The following GABRB3 variants were observed in gnomAD, a reference collection of about 807,000 sequenced individuals.
GABRB3 encodes gamma-aminobutyric acid receptor subunit beta-3.
A neutral mutation model predicts 52.1 loss-of-function variants in GABRB3; 14 were observed. The observed-to-expected ratio is 0.27, with a 90% CI of 0.18 to 0.42. The LOEUF (loss-of-function observed/expected upper bound fraction) is 0.42. Ranked by LOEUF, GABRB3 falls within the 10% of genes least tolerant of loss-of-function variation. The pLI is 1.00. For synonymous variants in GABRB3, 260 were observed against 232.3 expected, an observed-to-expected ratio of 1.12 and a Z score of -1.08; for missense variants, 307 against 609.1, an observed-to-expected ratio of 0.50 and a Z score of 5.22.
intron 3 of GABRB3, among the ~76,000 whole-genome samples, chr15:26,721,888 C>T (rs962578632): frequency 6.6e-6 from 1 of 151,912 alleles, no homozygotes; most frequent in Admixed American, 6.6e-5. Flanking sequence ...CATCTGAGAA[C>T]ATCAAAGAAA....
Position 26,545,720 on chromosome 15 carries a change from T to TAA in GABRB3, c.*2071_*2072dup, listed in dbSNP as rs1832233372. ...TTAACAAGGTTTTTCCCAATCTGTTTAACTTTTAGGATCCCCCATTGTTAC... is the reference window on the plus strand; with the variant it reads ...TTAACAAGGTTTTTCCCAATCTGTTTAAAACTTTTAGGATCCCCCATTGTTAC... On this transcript the variant is annotated 3_prime_UTR_variant, in exon 9 of 9. Coordinates refer to ENST00000311550, the MANE Select transcript of GABRB3 (RefSeq NM_000814.6). 6.6e-6 allele frequency: 1 copy of TAA among 152,580 alleles called. No individual in the cohort carries two copies. 9.5% of individuals were successfully genotyped at this position (152,580 alleles called of 1,614,324 possible). A position where few individuals can be genotyped will look rare whatever the true frequency, so the allele number is the denominator to read the frequency against.
intron 3 of GABRB3, among the ~76,000 whole-genome samples, chr15:26,695,948 A>G (rs1888725029): frequency 2.0e-5 from 3 of 152,240 alleles, no homozygotes; most frequent in South Asian, 4.1e-4. Context: ...GAAAACTCCC[A>G]AAAGTCTTTT....
chr15:26,615,509 C>CA, intron 4 of GABRB3: 1 of 915,816 alleles, frequency 1.1e-6, no homozygotes, highest in Non-Finnish European at 1.3e-6. Context: ...TGATTTAAAA[C>CA]AACCTTTTAT....
At chr15:26,631,657 C>T (rs998142218) in intron 3 of GABRB3, among the ~76,000 whole-genome samples, 2 of 152,144 alleles carry the variant, frequency 1.3e-5, no homozygotes, top group South Asian at 2.1e-4. Flanking sequence ...GTAGTCATTC[C>T]TACAAGGAAG....
intron 8 of GABRB3, among the ~76,000 whole-genome samples, chr15:26,549,294 C>T (rs1452673117): frequency 2.0e-5 from 3 of 152,104 alleles, no homozygotes; most frequent in Non-Finnish European, 4.4e-5. Flanking sequence ...CCTGAGAAGG[C>T]GCCGGGCCTG....
At chr15:26,623,018 T>C (rs1421327104) in intron 3 of GABRB3, among the ~76,000 whole-genome samples, 4 of 152,156 alleles carry the variant, frequency 2.6e-5, no homozygotes, top group Non-Finnish European at 4.4e-5. Flanking sequence ...CCAGACACTT[T>C]TGTGGGCACA....
At chr15:26,681,066 T>C (rs147723238) in intron 3 of GABRB3, among the ~76,000 whole-genome samples, 1 of 152,322 alleles carries the variant, frequency 6.6e-6, no homozygotes, top group African/African-American at 2.4e-5. Flanking sequence ...TCAAATCTCT[T>C]CCTTTTAAAA....
chr15:26,632,190 A>G (rs1483410305), intron 3 of GABRB3, among the ~76,000 whole-genome samples: 1 of 152,220 alleles, frequency 6.6e-6, no homozygotes, highest in East Asian at 1.9e-4. Context: ...TGCTGAGTTA[A>G]GTGTACAGCA....
intron 3 of GABRB3, among the ~76,000 whole-genome samples, chr15:26,670,069 G>C (rs1048955726): frequency 2.6e-5 from 4 of 152,244 alleles, no homozygotes; most frequent in African/African-American, 9.6e-5. Flanking sequence ...GCCACGTGAA[G>C]GGAGCTGCTC....
chr15:26,586,421 C>CACACACACACAT (rs1416486572), intron 4 of GABRB3, among the ~76,000 whole-genome samples: 1 of 151,566 alleles, frequency 6.6e-6, no homozygotes, highest in African/African-American at 2.4e-5. Context: ...CACACACACA[C>CACACACACACAT]ACACGCATAC....
At chr15:26,773,544 G>A (rs1776652769), upstream of GABRB3, 10 of 900,300 alleles carry the variant, frequency 1.1e-5, no homozygotes, top group South Asian at 1.6e-4. Context: ...GCCCGCTGCA[G>A]CGCAGCCCGA....
chr15:26,565,597 C>T (rs565424684), intron 7 of GABRB3, among the ~76,000 whole-genome samples: 2 of 152,302 alleles, frequency 1.3e-5, no homozygotes, highest in East Asian at 1.9e-4. Context: ...GTGGAATCTA[C>T]TTTCATATAA....
At chr15:26,687,503 G>T (rs752353474) in intron 3 of GABRB3, among the ~76,000 whole-genome samples, 1 of 151,668 alleles carries the variant, frequency 6.6e-6, no homozygotes, top group Non-Finnish European at 1.5e-5. Context: ...CTCTTCCTCC[G>T]CCTGCCTACC....
chr15:26,741,390 G>A (rs1312699925), intron 3 of GABRB3, among the ~76,000 whole-genome samples: 1 of 152,162 alleles, frequency 6.6e-6, no homozygotes, highest in African/African-American at 2.4e-5. Flanking sequence ...CTGCTGTCCA[G>A]TATCTCCATC....
chr15:26,604,615 C>A (rs1891710993), intron 4 of GABRB3, among the ~76,000 whole-genome samples: 1 of 152,108 alleles, frequency 6.6e-6, no homozygotes, highest in African/African-American at 2.4e-5. Flanking sequence ...TAAATCTATA[C>A]ATCTACAGTA....
chr15:26,724,880 C>T (rs1889730945), intron 3 of GABRB3, among the ~76,000 whole-genome samples: 1 of 152,170 alleles, frequency 6.6e-6, no homozygotes, highest in African/African-American at 2.4e-5. Context: ...GGAGGCTACA[C>T]TTCCCAGCCT....
chr15:26,756,056 G>C (rs1890650609), intron 3 of GABRB3, among the ~76,000 whole-genome samples: 1 of 152,136 alleles, frequency 6.6e-6, no homozygotes, highest in South Asian at 2.1e-4. Flanking sequence ...TGTATGTACA[G>C]TGTGTAAATA....
upstream of GABRB3, among the ~76,000 whole-genome samples, chr15:26,773,436 T>G (rs1595364525): frequency 6.6e-6 from 1 of 150,704 alleles, no homozygotes; most frequent in Non-Finnish European, 1.5e-5. Flanking sequence ...GCCGGGCGAG[T>G]GCGGGGACTG....
intron 3 of GABRB3, among the ~76,000 whole-genome samples, chr15:26,752,528 G>A (rs1186080696): frequency 6.6e-6 from 1 of 152,058 alleles, no homozygotes; most frequent in Non-Finnish European, 1.5e-5. Context: ...CTCCCAAAGT[G>A]CTGGGATTAC....
Sources: gnomAD v4.1 joint callset for allele counts (sites outside exome capture counted in the v4.1 genomes callset) on GRCh38, gnomAD v4.1.1 for gene constraint, MANE v1.5 for transcripts, NCBI Gene and HGNC (gene_info 2026-07-23, HGNC 2026-07-21) for gene names.